ABCA10: variants seen among roughly 807,000 people sequenced by gnomAD.
ABCA10 encodes the protein ATP binding cassette subfamily A member 10.
ABCA10 carries 169 observed loss-of-function variants against 187.5 expected under a neutral mutation model. The observed-to-expected ratio is 0.90, with a 90% CI of 0.80 to 1.02. The LOEUF is 1.02. Ranked by LOEUF, ABCA10 falls within the 50% of genes least tolerant of loss-of-function variation. ABCA10 has a pLI of 0.00. For missense variants in ABCA10, 1,727 were observed against 1,812.4 expected (o/e 0.95, Z 0.86); for synonymous variants, 574 against 601.8 (o/e 0.95, Z 0.68).
chr17:69,166,119 C>T (rs916933385), intron 25 of ABCA10, among the ~76,000 whole-genome samples: 3 of 152,088 alleles, frequency 2.0e-5, no homozygotes, highest in Admixed American at 6.6e-5. Flanking sequence ...GTGATGAGCT[C>T]AAGTGTTGTA....
intron 6 of ABCA10, among the ~76,000 whole-genome samples, chr17:69,219,170 A>G (rs542884070): frequency 1.3e-5 from 2 of 152,296 alleles, no homozygotes; most frequent in South Asian, 2.1e-4. Context: ...AGTCACAGGA[A>G]GAACACCTGG....
At chr17:69,232,364 G>C (rs1322802820), upstream of ABCA10, among the ~76,000 whole-genome samples, 5 of 151,646 alleles carry the variant, frequency 3.3e-5, no homozygotes, top group East Asian at 9.7e-4. Context: ...GTAGTGTTTT[G>C]ATTTCTTGCT....
At chr17:69,213,260 A>G (rs1257754777) in intron 9 of ABCA10, among the ~76,000 whole-genome samples, 3 of 152,116 alleles carry the variant, frequency 2.0e-5, no homozygotes, top group African/African-American at 7.2e-5. Context: ...GGGTGGGGCC[A>G]TAGAGCTCCC....
chr17:69,175,181 A>G lies in ABCA10; in HGVS notation c.2877+225T>C, dbSNP rs138036288. On this transcript the variant is annotated intron_variant, in intron 23 of 38. Transcript: ENST00000690296. The stretch of plus-strand genomic sequence containing the variant: ...ACATCTTCATCCCTGAAGTTTATTT[A>G]GCATGATTTCCCTTACAGCTGTGGC... Among the ~76,000 whole-genome samples, 227 of 152,272 alleles carry G rather than the reference A, an allele frequency of 1.5e-3. 1 individual carries two copies. Among genetic ancestry groups the G allele is most frequent in the African/African-American group, 5.2e-3 (217 of 41,590 alleles).
At chr17:69,155,221 T>C (rs2074164757) in intron 29 of ABCA10, 85 bp from the exon 30 acceptor site, 1 of 1,024,428 alleles carries the variant, frequency 9.8e-7, no homozygotes. Context: ...CCCTAGTCTA[T>C]AAACCCAACT....
Position 69,192,583 on chromosome 17 carries a change from C to A in ABCA10, c.1851G>T (p.Trp617Cys). The A allele has an allele frequency of 6.2e-7, 1 of 1,613,092 alleles. No homozygotes were observed. The highest frequency in any genetic ancestry group is 1.7e-4 in the Middle Eastern group (1 of 6,060). ...CATACCTTAAATGATATCCAATACCCCACTTTCGCTTCAGAAACAAAGATG... is the reference window on the plus strand; with the variant it reads ...CATACCTTAAATGATATCCAATACCACACTTTCGCTTCAGAAACAAAGATG... The part of the protein sequence containing the change: ...AGSSLFLKRK[W>C]GIGYHLSLHR... The change falls in exon 16 of 39, where the codon TGG becomes TGT. Residue 617 changes from tryptophan (W) to cysteine (C), a missense_variant. Trp to Cys is a radical substitution (Grantham distance 215). Transcript: ENST00000690296.
intron 26 of ABCA10, among the ~76,000 whole-genome samples, chr17:69,164,706 C>T (rs908085886): frequency 2.0e-5 from 3 of 152,132 alleles, no homozygotes; most frequent in Non-Finnish European, 4.4e-5. Context: ...CTCAGAATCA[C>T]CTCTGGAATT....
At chr17:69,242,321 A>G (rs1270952322) in intron 1 of ABCA10, among the ~76,000 whole-genome samples, 2 of 152,258 alleles carry the variant, frequency 1.3e-5, no homozygotes, top group Non-Finnish European at 2.9e-5. Context: ...GTTAATAAAT[A>G]AAAATTAGAT....
At chr17:69,171,305 A>G (rs2074295990) in intron 25 of ABCA10, among the ~76,000 whole-genome samples, 1 of 152,362 alleles carries the variant, frequency 6.6e-6, no homozygotes, top group East Asian at 1.9e-4. Flanking sequence ...ATAACTAAGC[A>G]TATTTTAAAT....
chr17:69,154,129 A>T (rs1344891351), intron 31 of ABCA10, 106 bp downstream of exon 31: 1 of 1,445,898 alleles, frequency 6.9e-7, no homozygotes, highest in African/African-American at 1.4e-5. Context: ...GAGAAATTTT[A>T]TAAATTCTTT....
In ABCA10 at chr17:69,155,308, CTACT is replaced by C. The variant is rs149485519; in HGVS notation, c.3577-176_3577-173del. 8.7e-4 allele frequency among the ~76,000 whole-genome samples: 132 copies of C among 152,280 alleles called. 1 individual carries two copies. The highest frequency in any genetic ancestry group is 3.0e-3 in the African/African-American group (125 of 41,560). ...CCAAATGTATGTTCATAAATAAGGG[CTACT>C]TAATCAACTACTAATAAAATTAATT... On this transcript the variant is annotated intron_variant, in intron 29 of 38. Transcript: ENST00000690296.
At position 69,152,137 on chromosome 17, in the gene ABCA10, AATCTCTACC is replaced by A. The variant is rs2074133885; in HGVS notation, c.4294_4302del (p.Gly1432_Asp1434del). On this transcript the variant is annotated inframe_deletion, in exon 36 of 39. Coordinates refer to ENST00000690296, the MANE Select transcript of ABCA10 (RefSeq NM_001377321.1). The stretch of plus-strand genomic sequence containing the variant: ...TCTTTCATTTTTATTTCTAGTAAAT[AATCTCTACC>A]AAACTTGTTTTTCAGATGTTGAATG... 6.2e-7 allele frequency: 1 copy of A among 1,613,720 alleles called. No homozygotes were observed. The highest frequency in any genetic ancestry group is 8.5e-7 in the Non-Finnish European group (1 of 1,179,924).
chr17:69,197,271 C>T (rs2074512949), intron 10 of ABCA10, 149 bp from the exon 11 acceptor site: 1 of 564,602 alleles, frequency 1.8e-6, no homozygotes, highest in Non-Finnish European at 3.1e-6. Context: ...CCTCCCCTGA[C>T]CACTCCCAAA....
intron 9 of ABCA10, among the ~76,000 whole-genome samples, chr17:69,210,839 T>TATATATATATATA (rs1568069864): frequency 0.064 from 1,931 of 30,360 alleles, 200 homozygotes; most frequent in African/African-American, 0.12. Context: ...TGCCACATAT[T>TATATATATATATA]TATGCCACAT....
At chr17:69,192,852 A>G (rs1376071404) in intron 15 of ABCA10, among the ~76,000 whole-genome samples, 199 bp from the exon 16 acceptor site, 2 of 152,200 alleles carry the variant, frequency 1.3e-5, no homozygotes, top group Admixed American at 6.5e-5. Context: ...TGCATTCCCC[A>G]TAGCTAATCC....
chr17:69,231,747 G>C (rs532087096), upstream of ABCA10, among the ~76,000 whole-genome samples: 203 of 152,268 alleles, frequency 1.3e-3, 2 homozygotes, highest in African/African-American at 4.7e-3. Flanking sequence ...TTCTGCAGCT[G>C]TTGGACAGAA....
intron 18 of ABCA10, 76 bp downstream of exon 18, chr17:69,190,282 C>T (rs1361883577): frequency 7.0e-7 from 1 of 1,423,950 alleles, no homozygotes; most frequent in African/African-American, 1.5e-5. Context: ...TAAAAATCTA[C>T]AAATATGAAT....
At position 69,155,006 on chromosome 17, in the gene ABCA10, C is replaced by A. The variant is rs768599826; in HGVS notation, c.3694+13G>T. ...AACATTATAATAATAATAAAAGGAACAATTGTTCAAACCTTTTTTAACACA... is the reference window on the plus strand; with the variant it reads ...AACATTATAATAATAATAAAAGGAAAAATTGTTCAAACCTTTTTTAACACA... On this transcript the variant is annotated intron_variant, in intron 30 of 38. Coordinates refer to ENST00000690296, the MANE Select transcript of ABCA10 (RefSeq NM_001377321.1). The A allele has an allele frequency of 5.2e-5, 79 of 1,531,288 alleles. No homozygotes were observed. The highest frequency in any genetic ancestry group is 6.8e-5 in the Non-Finnish European group (76 of 1,111,418). 94.9% of individuals were successfully genotyped at this position (1,531,288 alleles called of 1,614,324 possible). A position where few individuals can be genotyped will look rare whatever the true frequency, so the allele number is the denominator to read the frequency against.
At chr17:69,158,277 G>A (rs1344475478) in intron 27 of ABCA10, among the ~76,000 whole-genome samples, 1 of 151,662 alleles carries the variant, frequency 6.6e-6, no homozygotes, top group Non-Finnish European at 1.5e-5. Flanking sequence ...ATATAATGCA[G>A]TATATATTTT....
Sources: gnomAD v4.1 joint callset for allele counts (sites outside exome capture counted in the v4.1 genomes callset) on GRCh38, gnomAD v4.1.1 for gene constraint, MANE v1.5 for transcripts, NCBI Gene and HGNC (gene_info 2026-07-23, HGNC 2026-07-21) for gene names.